Variants in DCDC1 observed in about 807,000 individuals in gnomAD.
DCDC1 encodes doublecortin domain-containing protein 1.
In DCDC1, 200 loss-of-function variants were observed where a neutral mutation model predicts 178.3. That is an observed-to-expected ratio of 1.12 (90% CI 1.00 to 1.26). The LOEUF is 1.26. Among genes scored for constraint, DCDC1 ranks in the 50% most tolerant of loss-of-function variants. DCDC1 has a pLI of 0.00. For synonymous variants in DCDC1, 690 were observed against 604.8 expected (o/e 1.14, Z -2.07); for missense variants, 1,983 against 1,749.2 (o/e 1.13, Z -2.38).
intron 20 of DCDC1, among the ~76,000 whole-genome samples, chr11:30,958,386 C>T (rs911905627): frequency 6.6e-5 from 10 of 152,096 alleles, no homozygotes; most frequent in African/African-American, 1.9e-4. Context: ...TATATATTGA[C>T]CTGATATCAC....
intron 1 of DCDC1, among the ~76,000 whole-genome samples, chr11:31,359,229 A>G (rs1463990309): frequency 6.6e-6 from 1 of 152,212 alleles, no homozygotes; most frequent in African/African-American, 2.4e-5. Flanking sequence ...TGTGGCACAT[A>G]TACACCATGG....
intron 20 of DCDC1, among the ~76,000 whole-genome samples, chr11:30,967,570 C>A (rs1949508152): frequency 1.3e-5 from 2 of 152,176 alleles, no homozygotes. Context: ...AAGGTAAAGG[C>A]TCCTGGGGCC....
chr11:31,064,703 T>C lies in DCDC1; in HGVS notation c.2434-77A>G, dbSNP rs1038813649. The C allele has an allele frequency of 1.2e-5, 9 of 721,406 alleles. No individual in the cohort carries two copies. The African/African-American group carries it at 1.6e-4, about 13-fold the overall frequency. 44.7% of individuals were successfully genotyped at this position (721,406 alleles called of 1,614,324 possible). ...ATCTAAACTATACATGCCAAAAATA[T>C]AACACTGCAGTTTTCATGGTGCCTT... On this transcript the variant is annotated intron_variant, in intron 19 of 38. Transcript: ENST00000684477.
chr11:31,227,840 G>C (rs1362623437), intron 9 of DCDC1, among the ~76,000 whole-genome samples: 3 of 151,862 alleles, frequency 2.0e-5, no homozygotes, highest in Non-Finnish European at 4.4e-5. Flanking sequence ...TTTGTGAAAA[G>C]AAAATTGGAG....
At chr11:31,331,922 T>C (rs1382503099) in intron 2 of DCDC1, among the ~76,000 whole-genome samples, 3 of 152,222 alleles carry the variant, frequency 2.0e-5, no homozygotes, top group African/African-American at 7.2e-5. Context: ...TTCCCTCTTT[T>C]TCTATTGATT....
intron 1 of DCDC1, among the ~76,000 whole-genome samples, chr11:31,359,098 G>T (rs1266840836): frequency 6.6e-6 from 1 of 152,060 alleles, no homozygotes; most frequent in African/African-American, 2.4e-5. Context: ...ATACCCAAAG[G>T]ACTATAAATC....
intron 37 of DCDC1, among the ~76,000 whole-genome samples, chr11:30,879,143 C>T (rs1942411586): frequency 6.6e-6 from 1 of 152,010 alleles, no homozygotes; most frequent in African/African-American, 2.4e-5. Flanking sequence ...TTTAAAAAAC[C>T]CGAAGTGATT....
At chr11:30,961,050 T>C (rs967540257) in intron 20 of DCDC1, among the ~76,000 whole-genome samples, 16 of 152,052 alleles carry the variant, frequency 1.1e-4, no homozygotes, top group Non-Finnish European at 1.6e-4. Flanking sequence ...ATTAAACATA[T>C]CAATTTCAGA....
chr11:31,357,205 T>A (rs977474525), intron 1 of DCDC1, among the ~76,000 whole-genome samples: 3 of 152,008 alleles, frequency 2.0e-5, no homozygotes, highest in Non-Finnish European at 2.9e-5. Flanking sequence ...ACTGGCAAAC[T>A]GAATCCAGCA....
chr11:30,933,779 T>C (rs2134332055), intron 21 of DCDC1, among the ~76,000 whole-genome samples: 1 of 152,224 alleles, frequency 6.6e-6, no homozygotes, highest in African/African-American at 2.4e-5. Flanking sequence ...GCCACAATTA[T>C]AAGAGATTTA....
In DCDC1 at chr11:31,240,146, T is replaced by C. The variant is rs539098303; in HGVS notation, c.1221+1304A>G. ...AAACCACATTAATTCCAAAAAATTA[T>C]TGTAATGCAATTAATCATGATCCAT... is the stretch of plus-strand genomic sequence containing the variant. On this transcript the variant is annotated intron_variant, in intron 9 of 38. Coordinates refer to ENST00000684477, the MANE Select transcript of DCDC1 (RefSeq NM_001387274.1). 3.6e-4 allele frequency among the ~76,000 whole-genome samples: 55 copies of C among 152,114 alleles called. No individual in the cohort carries two copies. The South Asian group carries it at 8.5e-3, about 24-fold the overall frequency.
chr11:31,342,783 C>T (rs1238861723), intron 1 of DCDC1, among the ~76,000 whole-genome samples: 1 of 151,998 alleles, frequency 6.6e-6, no homozygotes, highest in Non-Finnish European at 1.5e-5. Context: ...CACTGACTGT[C>T]CTGGTGTGTT....
intron 20 of DCDC1, among the ~76,000 whole-genome samples, chr11:31,043,041 A>G (rs1049234733): frequency 3.3e-5 from 5 of 152,206 alleles, no homozygotes; most frequent in Non-Finnish European, 7.3e-5. Flanking sequence ...CCTACTATAC[A>G]TCTAGGCTAT....
chr11:31,131,962 C>G (rs1962500376), intron 10 of DCDC1, among the ~76,000 whole-genome samples: 1 of 152,128 alleles, frequency 6.6e-6, no homozygotes, highest in Non-Finnish European at 1.5e-5. Context: ...CAAAAATCAA[C>G]CAACCATACA....
intron 20 of DCDC1, among the ~76,000 whole-genome samples, chr11:31,047,782 C>T (rs1954948783): frequency 6.6e-6 from 1 of 152,036 alleles, no homozygotes; most frequent in Non-Finnish European, 1.5e-5. Context: ...GTACAATTCT[C>T]TACATCCTAT....
At chr11:31,203,688 A>C (rs1016765084) in intron 9 of DCDC1, among the ~76,000 whole-genome samples, 4 of 152,192 alleles carry the variant, frequency 2.6e-5, no homozygotes, top group Non-Finnish European at 4.4e-5. Flanking sequence ...ACAGTTTCAC[A>C]GGGTAGTTTT....
intron 7 of DCDC1, among the ~76,000 whole-genome samples, chr11:31,268,400 T>C (rs539785805): frequency 6.6e-6 from 1 of 152,300 alleles, no homozygotes; most frequent in East Asian, 1.9e-4. Flanking sequence ...GAGTTCACAG[T>C]GTCTGCTGTT....
chr11:31,102,412 A>AT (rs1182844703), intron 14 of DCDC1, 130 bp from the exon 15 acceptor site: 1 of 450,398 alleles, frequency 2.2e-6, no homozygotes, highest in African/African-American at 1.9e-5. Flanking sequence ...TATATATCAA[A>AT]TCTTGCCTGG....
intron 17 of DCDC1, among the ~76,000 whole-genome samples, chr11:31,079,068 G>T (rs373404155): frequency 6.6e-6 from 1 of 152,252 alleles, no homozygotes; most frequent in Admixed American, 6.5e-5. Flanking sequence ...AGCATCTTTT[G>T]TCCTAATGAG....
Sources: gnomAD v4.1 joint callset for allele counts (sites outside exome capture counted in the v4.1 genomes callset) on GRCh38, gnomAD v4.1.1 for gene constraint, MANE v1.5 for transcripts, NCBI Gene and HGNC (gene_info 2026-07-23, HGNC 2026-07-21) for gene names.